MAGI2: variants seen among roughly 807,000 people sequenced by gnomAD.
The protein encoded by MAGI2 is membrane associated guanylate kinase, WW and PDZ domain containing 2.
Under a neutral mutation model 133.3 loss-of-function variants are expected in MAGI2, and 35 were observed. The observed-to-expected ratio is 0.26, with a 90% CI of 0.20 to 0.35. The LOEUF (loss-of-function observed/expected upper bound fraction) is 0.35, where lower values mean the gene tolerates loss of function less well. Ranked by LOEUF, MAGI2 falls within the 10% of genes least tolerant of loss-of-function variation. The pLI is 1.00. For synonymous variants in MAGI2, 729 were observed against 710.6 expected, an observed-to-expected ratio of 1.03 and a Z score of -0.41; for missense variants, 1,636 against 1,863.4, an observed-to-expected ratio of 0.88 and a Z score of 2.25.
chr7:78,183,173 G>A (rs2150698223), intron 13 of MAGI2, among the ~76,000 whole-genome samples: 2 of 152,092 alleles, frequency 1.3e-5, no homozygotes, highest in African/African-American at 4.8e-5. Flanking sequence ...AAACGTATCT[G>A]AGTCAGAATC....
At chr7:78,492,141 C>G (rs7805441) in intron 5 of MAGI2, among the ~76,000 whole-genome samples, 1 of 151,746 alleles carries the variant, frequency 6.6e-6, no homozygotes, top group Non-Finnish European at 1.5e-5. Flanking sequence ...AATTACCATT[C>G]CTATTGCACA....
At chr7:79,252,174 AAAAAGAAG>A (rs1413421558) in intron 1 of MAGI2, among the ~76,000 whole-genome samples, 2 of 99,772 alleles carry the variant, frequency 2.0e-5, no homozygotes, top group Admixed American at 1.2e-4. Context: ...AAAAAAAAAA[AAAAAGAAG>A]AAGAAGAAAA....
chr7:78,378,194 A>G (rs1245155373), intron 6 of MAGI2, among the ~76,000 whole-genome samples: 1 of 152,072 alleles, frequency 6.6e-6, no homozygotes, highest in Non-Finnish European at 1.5e-5. Context: ...AAGCCATGAC[A>G]ATAGCCAAGA....
intron 20 of MAGI2, among the ~76,000 whole-genome samples, chr7:78,095,861 C>G (rs1817645913): frequency 6.6e-6 from 1 of 152,074 alleles, no homozygotes; most frequent in African/African-American, 2.4e-5. Context: ...CTGGAAGGAT[C>G]TAGGCTGGGA....
Position 79,333,274 on chromosome 7 carries a change from C to T in MAGI2, c.301+119746G>A, listed in dbSNP as rs573309284. Among the ~76,000 whole-genome samples, 11 of 152,212 alleles carry T rather than the reference C, an allele frequency of 7.2e-5. No individual in the cohort carries two copies. In the East Asian group the frequency reaches 1.9e-3, roughly 27 times the overall value. On this transcript the variant is annotated intron_variant, in intron 1 of 21. Transcript: ENST00000354212. The stretch of plus-strand genomic sequence containing the variant: ...TCATGAGTAGCCGGGATTACAGGCA[C>T]GTGCCACCATGCCCAGCTAATTTTT...
chr7:78,871,450 C>A (rs1320784675), intron 2 of MAGI2, among the ~76,000 whole-genome samples: 1 of 151,934 alleles, frequency 6.6e-6, no homozygotes, highest in Non-Finnish European at 1.5e-5. Flanking sequence ...AACAACTTAC[C>A]TATGTAATAA....
chr7:78,540,957 G>A (rs1307475058), intron 3 of MAGI2, among the ~76,000 whole-genome samples: 1 of 152,226 alleles, frequency 6.6e-6, no homozygotes, highest in Non-Finnish European at 1.5e-5. Context: ...CCATCTCAGA[G>A]TTTGCCGTGG....
At chr7:78,489,635 A>G (rs1563074954) in intron 6 of MAGI2, 126 bp downstream of exon 6, 2 of 760,152 alleles carry the variant, frequency 2.6e-6, no homozygotes, top group Non-Finnish European at 4.5e-6. Flanking sequence ...TTATCTGAGC[A>G]TTAAACATTA....
intron 1 of MAGI2, among the ~76,000 whole-genome samples, chr7:79,169,682 T>C (rs1352111303): frequency 2.0e-5 from 3 of 150,920 alleles, no homozygotes; most frequent in Admixed American, 1.3e-4. Context: ...TAAAAAAAAA[T>C]GTACATGGGT....
chr7:78,038,183 C>T (rs561548268), intron 21 of MAGI2, among the ~76,000 whole-genome samples: 2 of 151,584 alleles, frequency 1.3e-5, no homozygotes, highest in Non-Finnish European at 3.0e-5. Context: ...TTCACTGTTG[C>T]AATTTCAGCC....
intron 16 of MAGI2, among the ~76,000 whole-genome samples, chr7:78,142,277 T>C (rs1822840638): frequency 6.6e-6 from 1 of 152,148 alleles, no homozygotes; most frequent in African/African-American, 2.4e-5. Context: ...ATGTAGTTGG[T>C]CTTAGGTAGA....
chr7:78,407,397 C>A (rs1014132980), intron 6 of MAGI2, among the ~76,000 whole-genome samples: 1 of 151,944 alleles, frequency 6.6e-6, no homozygotes, highest in Non-Finnish European at 1.5e-5. Context: ...AAAAAAAAGT[C>A]ACCTTTTGTT....
intron 2 of MAGI2, among the ~76,000 whole-genome samples, chr7:78,957,836 GT>G (rs1198122140): frequency 6.6e-6 from 1 of 152,082 alleles, no homozygotes; most frequent in Non-Finnish European, 1.5e-5. Context: ...CTTGCTCTTT[GT>G]TTTTAAATTC....
At chr7:78,776,092 A>G (rs1246810427) in intron 2 of MAGI2, among the ~76,000 whole-genome samples, 1 of 152,228 alleles carries the variant, frequency 6.6e-6, no homozygotes, top group Non-Finnish European at 1.5e-5. Flanking sequence ...TAGATTCACC[A>G]TGAGGATCAA....
intron 1 of MAGI2, among the ~76,000 whole-genome samples, chr7:79,319,402 T>C (rs1430408255): frequency 2.0e-5 from 3 of 152,182 alleles, no homozygotes; most frequent in Non-Finnish European, 4.4e-5. Context: ...AATAGAATCC[T>C]GGACAATGTG....
chr7:79,445,082 T>C (rs1225904837), intron 1 of MAGI2, among the ~76,000 whole-genome samples: 2 of 152,172 alleles, frequency 1.3e-5, no homozygotes, highest in East Asian at 1.9e-4. Flanking sequence ...CCCTATTTAA[T>C]AAATGGTGCT....
chr7:79,245,226 T>C (rs1261528666), intron 1 of MAGI2, among the ~76,000 whole-genome samples: 1 of 152,144 alleles, frequency 6.6e-6, no homozygotes, highest in East Asian at 1.9e-4. Context: ...GGGGAGGGAC[T>C]CCTTTTGTTT....
At chr7:78,725,316 A>T (rs932862163) in intron 2 of MAGI2, among the ~76,000 whole-genome samples, 2 of 152,236 alleles carry the variant, frequency 1.3e-5, no homozygotes, top group African/African-American at 4.8e-5. Context: ...AAAAAAATTT[A>T]AAAAATGACC....
chr7:79,288,280 C>T (rs1836181795), intron 1 of MAGI2, among the ~76,000 whole-genome samples: 1 of 152,032 alleles, frequency 6.6e-6, no homozygotes, highest in Admixed American at 6.6e-5. Flanking sequence ...GTCTACCTTG[C>T]AGGGTTGTTG....
Sources: allele counts gnomAD v4.1 joint callset (sites outside exome capture counted in the v4.1 genomes callset), GRCh38; gene constraint gnomAD v4.1.1; transcripts MANE v1.5; gene names NCBI Gene and HGNC (gene_info 2026-07-23, HGNC 2026-07-21).